Variants in SH3GLB1 observed in about 807,000 individuals in gnomAD.
SH3GLB1 encodes the protein SH3 domain containing GRB2 like, endophilin B1.
SH3GLB1 carries 17 observed loss-of-function variants against 42.0 expected under a neutral mutation model. The ratio of observed to expected loss-of-function variants is 0.40; its 90% CI spans 0.28 to 0.61. The LOEUF is 0.61. SH3GLB1 is among the 20% of genes least tolerant of loss of function. The pLI, the probability that SH3GLB1 is intolerant of heterozygous loss-of-function variation, is 0.36. For synonymous variants in SH3GLB1, 132 were observed against 146.6 expected (o/e 0.90, Z 0.72); for missense variants, 355 against 426.3 (o/e 0.83, Z 1.47).
chr1:86,722,502 A>G (rs371416152), intron 3 of SH3GLB1, 38 bp from the exon 4 acceptor site: 2 of 1,540,226 alleles, frequency 1.3e-6, no homozygotes, highest in African/African-American at 2.8e-5. Flanking sequence ...TTCTGGTATT[A>G]CCAGACAATG....
intron 7 of SH3GLB1, among the ~76,000 whole-genome samples, chr1:86,737,137 G>A (rs1655817069): frequency 6.6e-6 from 1 of 152,118 alleles, no homozygotes; most frequent in Non-Finnish European, 1.5e-5. Flanking sequence ...TTTTAAAGAT[G>A]AGAAAGCAGA....
intron 7 of SH3GLB1, among the ~76,000 whole-genome samples, chr1:86,740,103 T>C (rs148929836): frequency 5.9e-5 from 9 of 151,802 alleles, no homozygotes; most frequent in Admixed American, 4.6e-4. Context: ...TGAGCCAAGA[T>C]TGAACCACTG....
chr1:86,747,045 C>T lies in SH3GLB1; in HGVS notation c.*3810C>T, dbSNP rs1656340383. On this transcript the variant is annotated 3_prime_UTR_variant, in exon 9 of 9. Coordinates refer to ENST00000370558, the MANE Select transcript of SH3GLB1 (RefSeq NM_016009.5). ...TCAAGGGCTCATGGAATCAGTCTTCCATGTGACAGCTTTTTAAATATTTTA... is the reference window on the plus strand; with the variant it reads ...TCAAGGGCTCATGGAATCAGTCTTCTATGTGACAGCTTTTTAAATATTTTA... 6.6e-6 allele frequency: 1 copy of T among 152,588 alleles called. No homozygotes were observed. Among genetic ancestry groups the T allele is most frequent in the African/African-American group, 2.4e-5 (1 of 41,432 alleles). 9.5% of individuals were successfully genotyped at this position (152,588 alleles called of 1,614,324 possible). A position where few individuals can be genotyped will look rare whatever the true frequency, so the allele number is the denominator to read the frequency against.
At chr1:86,734,039 T>A (rs1570287232) in intron 5 of SH3GLB1, among the ~76,000 whole-genome samples, 1 of 152,108 alleles carries the variant, frequency 6.6e-6, no homozygotes, top group Non-Finnish European at 1.5e-5. Flanking sequence ...AAGAAAGACA[T>A]TTAAAATGTA....
At chr1:86,706,867 T>C (rs1170331786) in intron 1 of SH3GLB1, among the ~76,000 whole-genome samples, 1 of 152,228 alleles carries the variant, frequency 6.6e-6, no homozygotes, top group East Asian at 1.9e-4. Flanking sequence ...GCTCTCAAAA[T>C]GTGTACTTCC....
intron 5 of SH3GLB1, among the ~76,000 whole-genome samples, chr1:86,732,941 A>G (rs1020202771): frequency 1.3e-5 from 2 of 152,050 alleles, no homozygotes; most frequent in African/African-American, 4.8e-5. Flanking sequence ...AACCTAGTTT[A>G]TTTCTGAAGT....
At chr1:86,717,182 C>G (rs947853215) in intron 2 of SH3GLB1, among the ~76,000 whole-genome samples, 10 of 152,262 alleles carry the variant, frequency 6.6e-5, no homozygotes, top group Admixed American at 2.0e-4. Context: ...TGTCTTTGGA[C>G]ACCATGTAAT....
chr1:86,744,077 C>T lies in SH3GLB1; in HGVS notation c.*842C>T, dbSNP rs1035154696. On this transcript the variant is annotated 3_prime_UTR_variant, in exon 9 of 9. Transcript: ENST00000370558. ...TGAACAGCAGATTTGTATACAAATA[C>T]GGAATAATGCAACTACATTATAAAT... is the stretch of plus-strand genomic sequence containing the variant. 2.6e-5 allele frequency: 4 copies of T among 152,190 alleles called. No homozygotes were observed. The highest frequency in any genetic ancestry group is 9.7e-5 in the African/African-American group (4 of 41,394). 9.4% of individuals were successfully genotyped at this position (152,190 alleles called of 1,614,324 possible).
intron 5 of SH3GLB1, among the ~76,000 whole-genome samples, chr1:86,725,594 G>A (rs1044669060): frequency 3.3e-5 from 5 of 152,132 alleles, no homozygotes; most frequent in Non-Finnish European, 7.4e-5. Context: ...TGGTATGATA[G>A]TACCCCTGCC....
Position 86,728,363 on chromosome 1 carries a change from T to C in SH3GLB1, c.570+3958T>C, listed in dbSNP as rs549722923. 2.9e-6 allele frequency: 3 copies of C among 1,034,180 alleles called. No individual in the cohort carries two copies. The Admixed American group carries it at 7.4e-5, about 26-fold the overall frequency. 64.1% of individuals were successfully genotyped at this position (1,034,180 alleles called of 1,614,324 possible). On this transcript the variant is annotated intron_variant, in intron 5 of 8. Transcript: ENST00000370558. The stretch of plus-strand genomic sequence containing the variant: ...GAAGTAATTTGTTTCACTGTGTTCA[T>C]TGGTATAATGTGTTCTTTGTCTCTT...
intron 3 of SH3GLB1, among the ~76,000 whole-genome samples, chr1:86,721,897 G>A (rs1011141910): frequency 1.3e-4 from 20 of 151,298 alleles, no homozygotes; most frequent in South Asian, 1.0e-3. Context: ...ATCCTCCCTC[G>A]TACTTTAAAT....
rs1248562743 is a variant in SH3GLB1, at chr1:86,743,231, A to G, written c.1094A>G (p.Asn365Ser). 10 of 1,594,306 alleles carry G rather than the reference A, an allele frequency of 6.3e-6. No individual in the cohort carries two copies. In the East Asian group the frequency reaches 1.1e-4, roughly 18 times the overall value. Reference protein sequence around the residue: ...KVPITYLELLN With the variant: ...KVPITYLELLS ...CCAATTACCTACTTAGAACTGCTCA[A>G]TTAAGTAGGTGGACTATGGAAAGGT... Residue 365 changes from asparagine (N) to serine (S), a missense_variant, in exon 9 of 9, where the codon AAT (asparagine) becomes AGT (serine). Transcript: ENST00000370558.
Position 86,719,601 on chromosome 1 carries a change from T to G in SH3GLB1, c.309T>G (p.Asp103Glu), listed in dbSNP as rs1327264404. 1 of 1,610,838 alleles carries G rather than the reference T, an allele frequency of 6.2e-7. No homozygotes were observed. Among genetic ancestry groups the G allele is most frequent in the Non-Finnish European group, 8.5e-7 (1 of 1,178,446 alleles). Residue 103 changes from aspartate (D) to glutamate (E), a missense_variant, in exon 3 of 9, where the codon GAT (aspartate) becomes GAG (glutamate). Coordinates refer to ENST00000370558, the MANE Select transcript of SH3GLB1 (RefSeq NM_016009.5). ...AACTTTTGGGACAATATATGATTGA[T>G]GCAGGGACTGAGTTTGGCCCAGGAA... ...NPELLGQYMI[D>E]AGTEFGPGTA...
intron 2 of SH3GLB1, among the ~76,000 whole-genome samples, chr1:86,716,899 TA>T (rs1654568427): frequency 6.6e-6 from 1 of 152,238 alleles, no homozygotes; most frequent in South Asian, 2.1e-4. Context: ...GACATATGCT[TA>T]CTTTTAGATA....
Position 86,709,390 on chromosome 1 carries a change from G to T in SH3GLB1, c.72+4419G>T, listed in dbSNP as rs1654064594. Among the ~76,000 whole-genome samples, 4 of 152,136 alleles carry T rather than the reference G, an allele frequency of 2.6e-5. No individual in the cohort carries two copies. In the South Asian group the frequency reaches 8.3e-4, roughly 32 times the overall value. On this transcript the variant is annotated intron_variant, in intron 1 of 8. Transcript: ENST00000370558. ...TTAGTATTTTCTAACATTGTTTGCG[G>T]ACCTTGAAGTTAACTAATACCAGTA...
intron 5 of SH3GLB1, among the ~76,000 whole-genome samples, chr1:86,726,514 TTTAAAG>T (rs1655203387): frequency 6.8e-6 from 1 of 146,632 alleles, no homozygotes; most frequent in Non-Finnish European, 1.5e-5. Flanking sequence ...GGAATTTATG[TTTAAAG>T]TAAAAGATGA....
Position 86,704,949 on chromosome 1 carries a change from C to G in SH3GLB1, c.50C>G (p.Thr17Ser). Residue 17 changes from threonine to serine, a missense_variant, in exon 1 of 9, where the codon ACC (threonine) becomes AGC (serine). Coordinates refer to ENST00000370558, the MANE Select transcript of SH3GLB1 (RefSeq NM_016009.5). ...NVKKLAADAG[T>S]FLSRAVQFTE... ...AAGAAGCTGGCGGCCGACGCAGGCACCTTCCTCAGTCGCGCCGTGCAGGTA... is the reference window on the plus strand; with the variant it reads ...AAGAAGCTGGCGGCCGACGCAGGCAGCTTCCTCAGTCGCGCCGTGCAGGTA... 1 of 1,584,974 alleles carries G rather than the reference C, an allele frequency of 6.3e-7. No homozygotes were observed. The highest frequency in any genetic ancestry group is 1.1e-5 in the South Asian group (1 of 88,000).
intron 5 of SH3GLB1, among the ~76,000 whole-genome samples, chr1:86,733,864 T>C (rs1365492906): frequency 3.3e-5 from 5 of 152,156 alleles, no homozygotes; most frequent in Admixed American, 2.6e-4. Context: ...CATGAAAATC[T>C]GGATATGAGA....
At chr1:86,729,967 TATG>T in intron 5 of SH3GLB1, 3 of 952,396 alleles carry the variant, frequency 3.1e-6, no homozygotes, top group Admixed American at 5.2e-5. Context: ...AATCTATAAA[TATG>T]ATTCTGAAAA....
Sources: gnomAD v4.1 joint callset for allele counts (sites outside exome capture counted in the v4.1 genomes callset) on GRCh38, gnomAD v4.1.1 for gene constraint, MANE v1.5 for transcripts, NCBI Gene and HGNC (gene_info 2026-07-23, HGNC 2026-07-21) for gene names.